The following POLA1 variants were observed in gnomAD, a reference collection of about 807,000 sequenced individuals.
POLA1 encodes DNA polymerase alpha 1, catalytic subunit.
In POLA1, 15 loss-of-function variants were observed where a neutral mutation model predicts 124.0. The ratio of observed to expected loss-of-function variants is 0.12; its 90% CI spans 0.08 to 0.19. The LOEUF (loss-of-function observed/expected upper bound fraction) is 0.19. Ranked by LOEUF, POLA1 falls within the 10% of genes least tolerant of loss-of-function variation. The pLI, the probability that POLA1 is intolerant of heterozygous loss-of-function variation, is 1.00. For missense variants in POLA1, 886 were observed against 1,103.4 expected, an observed-to-expected ratio of 0.80 and a Z score of 2.79; for synonymous variants, 408 against 389.4, an observed-to-expected ratio of 1.05 and a Z score of -0.56.
Position 24,996,041 on chromosome X carries a change from C to A in POLA1, c.*91C>A. On this transcript the variant is annotated 3_prime_UTR_variant, in exon 37 of 37. Coordinates refer to ENST00000379068, the MANE Select transcript of POLA1 (RefSeq NM_001330360.2). ...CTGGCCCTAAATGCTCCTCCAGCATCTGTTTCTCCCTTGGGACTGTGTCTC... is the reference window on the plus strand; with the variant it reads ...CTGGCCCTAAATGCTCCTCCAGCATATGTTTCTCCCTTGGGACTGTGTCTC... 2.5e-6 allele frequency: 2 copies of A among 810,592 alleles called. No homozygotes were observed. The highest frequency in any genetic ancestry group is 3.6e-6 in the Non-Finnish European group (2 of 556,246). The allele number at this position is 810,592 out of a possible 1,213,427, so 66.8% of individuals were successfully genotyped here.
chrX:24,977,777 A>T (rs1358394021), intron 36 of POLA1, among the ~76,000 whole-genome samples: 1 of 112,162 alleles, frequency 8.9e-6, no homozygotes, highest in African/African-American at 3.2e-5. Context: ...GAATAGATCC[A>T]GTCTCCTCCC....
rs1419475359 is a variant in POLA1 at position 24,826,300 on chromosome X, T to C, written c.3562-127T>C. ...TAGGTCAAAAAGAGGTCTTGATGTT[T>C]AGAAGTAGATACATAAAATTTAAAT... On this transcript the variant is annotated intron_variant, in intron 31 of 36. Coordinates refer to ENST00000379068, the MANE Select transcript of POLA1 (RefSeq NM_001330360.2). 3 of 432,317 alleles carry C rather than the reference T, an allele frequency of 6.9e-6. No individual in the cohort carries two copies. In the Admixed American group the frequency reaches 1.4e-4, roughly 20 times the overall value. The allele number at this position is 432,317 out of a possible 1,213,427, so 35.6% of individuals were successfully genotyped here. A position where few individuals can be genotyped will look rare whatever the true frequency, so the allele number is the denominator to read the frequency against.
intron 29 of POLA1, 75 bp from the exon 30 acceptor site, chrX:24,814,901 CCTT>C (rs969240420): frequency 5.1e-5 from 46 of 902,993 alleles, no homozygotes; most frequent in Admixed American, 2.5e-4. Flanking sequence ...CATTTCTCTT[CCTT>C]CTTCTCCTTT....
At position 24,996,684 on chromosome X, in the gene POLA1, T is replaced by A. The variant is rs757663872; in HGVS notation, c.*734T>A. On this transcript the variant is annotated 3_prime_UTR_variant, in exon 37 of 37. Coordinates refer to ENST00000379068, the MANE Select transcript of POLA1 (RefSeq NM_001330360.2). ...GATACTCTAACAATCCATTAACATG[T>A]GTAGGGGTTACGGTGAGGATCACTG... 26 of 112,468 alleles carry A rather than the reference T, an allele frequency of 2.3e-4. No individual in the cohort carries two copies. Among genetic ancestry groups the A allele is most frequent in the Non-Finnish European group, 3.9e-4 (21 of 53,238 alleles). The allele number at this position is 112,468 out of a possible 1,213,427, so 9.3% of individuals were successfully genotyped here.
At chrX:24,833,695 G>A (rs2046300488) in intron 32 of POLA1, among the ~76,000 whole-genome samples, 1 of 112,371 alleles carries the variant, frequency 8.9e-6, no homozygotes, top group Non-Finnish European at 1.9e-5. Flanking sequence ...GAAGTAGGCT[G>A]TGTTATAAGA....
chrX:24,928,925 G>C (rs1171528821), intron 35 of POLA1, among the ~76,000 whole-genome samples: 1 of 111,963 alleles, frequency 8.9e-6, no homozygotes, highest in Non-Finnish European at 1.9e-5. Flanking sequence ...AGAGAGACTT[G>C]TGGAAGGAAT....
chrX:24,727,683 G>A (rs1409015253), intron 14 of POLA1, 99 bp from the exon 15 acceptor site: 1 of 631,768 alleles, frequency 1.6e-6, no homozygotes, highest in Admixed American at 3.3e-5. Flanking sequence ...TTAGAAGGCA[G>A]GGTTGAAGAA....
At chrX:24,803,278 G>A (rs2045746556) in intron 26 of POLA1, among the ~76,000 whole-genome samples, 2 of 111,377 alleles carry the variant, frequency 1.8e-5, no homozygotes, top group African/African-American at 6.5e-5. Flanking sequence ...GGTTGTCACA[G>A]CTGGAGAGAA....
In POLA1 at chrX:24,737,747, A is replaced by T; in HGVS notation, c.2040+6A>T. Reference sequence around the variant, plus strand: ...CCAACATGCCAAAGCTTGGGGTAATAATAATTTTCAAAATCTTATTTATCT... The same window carrying T: ...CCAACATGCCAAAGCTTGGGGTAATTATAATTTTCAAAATCTTATTTATCT... On this transcript the variant is annotated splice_donor_region_variant and intron_variant, in intron 19 of 36. Transcript: ENST00000379068. The T allele has an allele frequency of 1.1e-6, 1 of 921,530 alleles. No homozygotes were observed. Among genetic ancestry groups the T allele is most frequent in the Non-Finnish European group, 1.5e-6 (1 of 646,494 alleles). 75.9% of individuals were successfully genotyped at this position (921,530 alleles called of 1,213,427 possible). A position where few individuals can be genotyped will look rare whatever the true frequency, so the allele number is the denominator to read the frequency against.
intron 10 of POLA1, among the ~76,000 whole-genome samples, chrX:24,720,237 C>T (rs1024725132): frequency 6.3e-5 from 7 of 111,827 alleles, no homozygotes; most frequent in South Asian, 3.7e-4. Flanking sequence ...ACCTAAACCT[C>T]CAGACGGGTC....
At chrX:24,837,294 C>T (rs758738577) in intron 32 of POLA1, among the ~76,000 whole-genome samples, 14 of 112,018 alleles carry the variant, frequency 1.2e-4, no homozygotes, top group African/African-American at 4.5e-4. Flanking sequence ...TGAAATCTAT[C>T]AGTATAAGTT....
chrX:24,726,159 A>G, intron 13 of POLA1, 104 bp downstream of exon 13: 1 of 509,672 alleles, frequency 2.0e-6, no homozygotes, highest in Non-Finnish European at 3.4e-6. Flanking sequence ...AGGGCTTCTC[A>G]AGCCCACAGT....
At chrX:24,854,715 G>A (rs2046619412) in intron 34 of POLA1, among the ~76,000 whole-genome samples, 1 of 110,120 alleles carries the variant, frequency 9.1e-6, no homozygotes, top group African/African-American at 3.3e-5. Context: ...TGTAATCCTA[G>A]CTACTTGGGA....
intron 6 of POLA1, among the ~76,000 whole-genome samples, 192 bp from the exon 7 acceptor site, chrX:24,716,170 T>G (rs1929816897): frequency 9.4e-6 from 1 of 106,499 alleles, no homozygotes; most frequent in Non-Finnish European, 1.9e-5. Flanking sequence ...TAATATCTAT[T>G]TTAGTTTTCT....
chrX:24,849,837 A>G (rs928105962), intron 34 of POLA1, among the ~76,000 whole-genome samples: 32 of 110,869 alleles, frequency 2.9e-4, no homozygotes, highest in Non-Finnish European at 5.3e-4. Context: ...TCACCGTGTT[A>G]GCCAGGATGG....
intron 32 of POLA1, among the ~76,000 whole-genome samples, chrX:24,832,164 C>T (rs1020469264): frequency 9.0e-6 from 1 of 111,630 alleles, no homozygotes. Context: ...CATTTTGAGG[C>T]ATTGCTGGAA....
At chrX:24,724,480 GCT>G (rs1930410467) in intron 12 of POLA1, 29 bp downstream of exon 12, 8 of 690,107 alleles carry the variant, frequency 1.2e-5, no homozygotes, top group Non-Finnish European at 1.8e-5. Flanking sequence ...TTTTTTTCCA[GCT>G]CTGTTTGTTG....
At position 24,963,048 on chromosome X, in the gene POLA1, G is replaced by T. The variant is rs761021809; in HGVS notation, c.4261+32499G>T. ...GGTCATCTTAGTTCTTTGAACTGTGGGTTTTATTAAGGAATAGTAGAATCT... is the reference window on the plus strand; with the variant it reads ...GGTCATCTTAGTTCTTTGAACTGTGTGTTTTATTAAGGAATAGTAGAATCT... On this transcript the variant is annotated intron_variant, in intron 36 of 36. Transcript: ENST00000379068. 5.8e-4 allele frequency among the ~76,000 whole-genome samples: 64 copies of T among 110,958 alleles called. 1 individual carries two copies. The highest frequency in any genetic ancestry group is 2.0e-3 in the African/African-American group (62 of 30,604).
chrX:24,838,207 G>A (rs980312228), intron 32 of POLA1, among the ~76,000 whole-genome samples: 1 of 111,617 alleles, frequency 9.0e-6, no homozygotes, highest in African/African-American at 3.3e-5. Flanking sequence ...AATACTTCTT[G>A]AAACATGAGA....
Sources: gnomAD v4.1 joint callset for allele counts (sites outside exome capture counted in the v4.1 genomes callset) on GRCh38, gnomAD v4.1.1 for gene constraint, MANE v1.5 for transcripts, NCBI Gene and HGNC (gene_info 2026-07-23, HGNC 2026-07-21) for gene names.